OSBPL5: variants seen among roughly 807,000 people sequenced by gnomAD.
The protein encoded by OSBPL5 is oxysterol binding protein like 5, also known as oxysterol-binding protein-related protein 5.
Under a neutral mutation model 111.2 loss-of-function variants are expected in OSBPL5, and 71 were observed. That is an observed-to-expected ratio of 0.64 (90% CI 0.53 to 0.78). The LOEUF is 0.78. Ranked by LOEUF, OSBPL5 falls within the 30% of genes least tolerant of loss-of-function variation. The pLI is 0.00. For synonymous variants in OSBPL5, 549 were observed against 513.9 expected, an observed-to-expected ratio of 1.07 and a Z score of -0.93; for missense variants, 1,210 against 1,189.3, an observed-to-expected ratio of 1.02 and a Z score of -0.26.
Position 3,141,074 on chromosome 11 carries a change from C to T in OSBPL5, c.-21-11905G>A, listed in dbSNP as rs922484061. ...GCCCAATGCCTTGTACGAAGAGGCC[C>T]CCAAAACAGGAATAAAAACCACCTA... is the stretch of plus-strand genomic sequence containing the variant. On this transcript the variant is annotated intron_variant, in intron 1 of 21. Transcript: ENST00000263650. The surrounding 1 kb of genome is among the most constrained non-coding windows in gnomAD (Gnocchi z 6.5). 6.6e-6 allele frequency among the ~76,000 whole-genome samples: 1 copy of T among 151,512 alleles called. No homozygotes were observed. The highest frequency in any genetic ancestry group is 2.4e-5 in the African/African-American group (1 of 41,006).
At chr11:3,124,661 C>T (rs984067545) in intron 3 of OSBPL5, among the ~76,000 whole-genome samples, 1 of 152,168 alleles carries the variant, frequency 6.6e-6, no homozygotes, top group African/African-American at 2.4e-5. Context: ...ACCCTTGGCC[C>T]GCCCAGGACT....
Position 3,128,206 on chromosome 11 carries a change from A to G in OSBPL5, c.136+807T>C, listed in dbSNP as rs1017867165. Among the ~76,000 whole-genome samples, 8 of 152,134 alleles carry G rather than the reference A, an allele frequency of 5.3e-5. No homozygotes were observed. The East Asian group carries it at 5.8e-4, about 11-fold the overall frequency. Reference sequence around the variant, plus strand: ...CGAGCCTGGGTGGTGGATCCGCCCAATGCTCTCCCACTCCCCCCAGGGCAG... The same window carrying G: ...CGAGCCTGGGTGGTGGATCCGCCCAGTGCTCTCCCACTCCCCCCAGGGCAG... On this transcript the variant is annotated intron_variant, in intron 2 of 21. Coordinates refer to ENST00000263650, the MANE Select transcript of OSBPL5 (RefSeq NM_020896.4).
At chr11:3,120,191 C>CT (rs893729818) in intron 6 of OSBPL5, among the ~76,000 whole-genome samples, 1 of 152,186 alleles carries the variant, frequency 6.6e-6, no homozygotes, top group Non-Finnish European at 1.5e-5. Context: ...GGGTGAGGGG[C>CT]TGGGGTGACC....
At chr11:3,147,203 G>C (rs1351239431) in intron 1 of OSBPL5, among the ~76,000 whole-genome samples, 1 of 152,236 alleles carries the variant, frequency 6.6e-6, no homozygotes, top group Non-Finnish European at 1.5e-5. Context: ...TCCTGCTCCA[G>C]AGTCAGGGGC....
chr11:3,103,817 TG>T (rs1857578383), intron 10 of OSBPL5, among the ~76,000 whole-genome samples: 1 of 26,130 alleles, frequency 3.8e-5, no homozygotes, highest in Non-Finnish European at 1.3e-4. Context: ...TCTTCCTGCC[TG>T]CGCAGCCCCC....
rs1858637182 is a variant in OSBPL5, at chr11:3,126,604, G to T, written c.137-49C>A. The T allele has an allele frequency of 6.6e-7, 1 of 1,515,512 alleles. No individual in the cohort carries two copies. Among genetic ancestry groups the T allele is most frequent in the African/African-American group, 1.4e-5 (1 of 72,518 alleles). The allele number at this position is 1,515,512 out of a possible 1,614,324, so 93.9% of individuals were successfully genotyped here. A position where few individuals can be genotyped will look rare whatever the true frequency, so the allele number is the denominator to read the frequency against. ...GGACCCAGGCATGGTGGCGTGGCCA[G>T]GCTTCTCAGGCCGCTGCCTGGTGTG... On this transcript the variant is annotated intron_variant, in intron 2 of 21. Transcript: ENST00000263650. The surrounding 1 kb of genome is among the most constrained non-coding windows in gnomAD (Gnocchi z 6.5).
At chr11:3,148,417 GC>G (rs1381836527) in intron 1 of OSBPL5, among the ~76,000 whole-genome samples, 2 of 152,196 alleles carry the variant, frequency 1.3e-5, no homozygotes, top group East Asian at 3.9e-4. Flanking sequence ...CACGTACTTT[GC>G]CCCCCACACC....
chr11:3,112,478 C>CTTTTTTTT (rs559601032), intron 7 of OSBPL5, among the ~76,000 whole-genome samples: 4 of 108,790 alleles, frequency 3.7e-5, no homozygotes, highest in African/African-American at 6.4e-5. Flanking sequence ...GTTTTCTTTT[C>CTTTTTTTT]TTTTTTTTTT....
rs757110476 is a variant in OSBPL5 at position 3,107,420 on chromosome 11, G to A, written c.902C>T (p.Ser301Leu). ...NGSSLENDAF[S>L]DKSERENPEE... ...AGGGTTCTCTCTCTCCGACTTGTCT[G>A]AGAATGCATCGTTCTCCAGGGAAGA... Residue 301 changes from serine to leucine, a missense_variant, in exon 9 of 22, where the codon TCA becomes TTA. Coordinates refer to ENST00000263650, the MANE Select transcript of OSBPL5 (RefSeq NM_020896.4). The surrounding 1 kb of genome is among the most constrained non-coding windows in gnomAD (Gnocchi z 6.1). The A allele has an allele frequency of 6.2e-7, 1 of 1,614,094 alleles. No individual in the cohort carries two copies. The highest frequency in any genetic ancestry group is 8.5e-7 in the Non-Finnish European group (1 of 1,180,004).
Position 3,126,448 on chromosome 11 carries a change from G to A in OSBPL5, c.219+25C>T. On this transcript the variant is annotated intron_variant, in intron 3 of 21. Transcript: ENST00000263650. This position sits in a 1 kb window ranked among gnomAD's most constrained non-coding sequence, Gnocchi z 6.5. ...CCCCAGAGCCAGGCTCTGGCTCATG[G>A]ATCCTCCTATACCCAGGCTCTTACC... 6.4e-7 allele frequency: 1 copy of A among 1,568,744 alleles called. No individual in the cohort carries two copies. Among genetic ancestry groups the A allele is most frequent in the South Asian group, 1.2e-5 (1 of 86,094 alleles).
At position 3,141,902 on chromosome 11, in the gene OSBPL5, A is replaced by G. The variant is rs577503173; in HGVS notation, c.-21-12733T>C. Reference sequence around the variant, plus strand: ...CACTTTCTCTCCATGTTACAGTTGCAGTTTCTTTTCTTTCTTTTTATTTTT... The same window carrying G: ...CACTTTCTCTCCATGTTACAGTTGCGGTTTCTTTTCTTTCTTTTTATTTTT... On this transcript the variant is annotated intron_variant, in intron 1 of 21. Coordinates refer to ENST00000263650, the MANE Select transcript of OSBPL5 (RefSeq NM_020896.4). The surrounding 1 kb of genome is among the most constrained non-coding windows in gnomAD (Gnocchi z 6.5). Among the ~76,000 whole-genome samples, 22 of 151,958 alleles carry G rather than the reference A, an allele frequency of 1.4e-4. No homozygotes were observed. The highest frequency in any genetic ancestry group is 5.3e-4 in the African/African-American group (22 of 41,462).
rs940468395 is a variant in OSBPL5 at position 3,121,099 on chromosome 11, C to T, written c.403-475G>A. Among the ~76,000 whole-genome samples, 21 of 145,350 alleles carry T rather than the reference C, an allele frequency of 1.4e-4. No individual in the cohort carries two copies. Among genetic ancestry groups the T allele is most frequent in the Admixed American group, 5.7e-4 (8 of 14,046 alleles). ...TTTTTGAGACAGAGTCTCTGTTGCC[C>T]AGGCTGGAGGTGCAGTGGTGCTATC... On this transcript the variant is annotated intron_variant, in intron 5 of 21. Transcript: ENST00000263650. The surrounding 1 kb of genome is among the most constrained non-coding windows in gnomAD (Gnocchi z 4.3).
At chr11:3,094,418 G>A (rs908259951) in intron 14 of OSBPL5, 84 bp from the exon 15 acceptor site, 22 of 1,063,318 alleles carry the variant, frequency 2.1e-5, no homozygotes, top group South Asian at 9.1e-5. Context: ...CAGCAGCACC[G>A]ATCCCTGAGT....
intron 1 of OSBPL5, among the ~76,000 whole-genome samples, chr11:3,152,263 T>C (rs1225413389): frequency 1.3e-5 from 2 of 152,236 alleles, no homozygotes; most frequent in African/African-American, 2.4e-5. Flanking sequence ...CATAGTTACC[T>C]GCAGTTTATC....
chr11:3,107,880 A>AGGT lies in OSBPL5; in HGVS notation c.754_756dup (p.Thr252dup), dbSNP rs765289937. The AGGT allele has an allele frequency of 6.8e-6, 11 of 1,606,874 alleles. No individual in the cohort carries two copies. The Admixed American group carries it at 1.7e-4, about 24-fold the overall frequency. On this transcript the variant is annotated inframe_insertion, in exon 8 of 22. Transcript: ENST00000263650. The surrounding 1 kb of genome is among the most constrained non-coding windows in gnomAD (Gnocchi z 6.1). ...GGCTCCCCGTCTCGGCCCGGCTTGC[A>AGGT]GGTGCCCAGTCTCAGTAGGCTAGAG...
chr11:3,091,569 G>A (rs74447365), intron 19 of OSBPL5, among the ~76,000 whole-genome samples: 2,292 of 152,174 alleles, frequency 0.015, 55 homozygotes, highest in African/African-American at 0.053. Flanking sequence ...GCTGAGGAGC[G>A]GGACTGCGAG....
rs1216969227 is a variant in OSBPL5, at chr11:3,161,230, G to A, written c.-22+3986C>T. On this transcript the variant is annotated intron_variant, in intron 1 of 21. Transcript: ENST00000263650. This position sits in a 1 kb window ranked among gnomAD's most constrained non-coding sequence, Gnocchi z 8.0. ...TTGTCTTCGTGTCAGCAGGGTGAGA[G>A]GGGATCTATGGACCAGTTAAGTCCA... 1 of 152,246 alleles carries A rather than the reference G, an allele frequency of 6.6e-6. No individual in the cohort carries two copies. The highest frequency in any genetic ancestry group is 2.4e-5 in the African/African-American group (1 of 41,450). 9.4% of individuals were successfully genotyped at this position (152,246 alleles called of 1,614,324 possible). A position where few individuals can be genotyped will look rare whatever the true frequency, so the allele number is the denominator to read the frequency against.
At chr11:3,097,845 T>A (rs1857325809) in intron 14 of OSBPL5, among the ~76,000 whole-genome samples, 1 of 152,172 alleles carries the variant, frequency 6.6e-6, no homozygotes, top group Non-Finnish European at 1.5e-5. Flanking sequence ...GGCAGGCGGA[T>A]CACCCGAGGT....
At chr11:3,145,154 C>T (rs1846299368) in intron 1 of OSBPL5, among the ~76,000 whole-genome samples, 1 of 152,240 alleles carries the variant, frequency 6.6e-6, no homozygotes, top group Non-Finnish European at 1.5e-5. Context: ...CTGGGCTGGC[C>T]CCGTGCCCGC....
Sources: gnomAD v4.1 joint callset for allele counts (sites outside exome capture counted in the v4.1 genomes callset) on GRCh38, gnomAD v4.1.1 for gene constraint, Gnocchi (gnomAD v3.1) non-coding constraint, MANE v1.5 for transcripts, NCBI Gene and HGNC (gene_info 2026-07-23, HGNC 2026-07-21) for gene names.